Variants in GRIN2A observed in about 807,000 individuals in gnomAD.
GRIN2A encodes glutamate ionotropic receptor NMDA type subunit 2A.
Under a neutral mutation model 113.4 loss-of-function variants are expected in GRIN2A, and 22 were observed. The observed-to-expected ratio is 0.19, with a 90% confidence interval of 0.14 to 0.28. The LOEUF (loss-of-function observed/expected upper bound fraction) is 0.28. Among genes scored for constraint, GRIN2A ranks in the 10% least tolerant of loss-of-function variants. The pLI, the probability that GRIN2A is intolerant of heterozygous loss-of-function variation, is 1.00. For missense variants in GRIN2A, 1,502 were observed against 1,887.0 expected, an observed-to-expected ratio of 0.80 and a Z score of 3.78; for synonymous variants, 827 against 738.4, an observed-to-expected ratio of 1.12 and a Z score of -1.94.
At chr16:9,851,976 G>C (rs1324395889) in intron 4 of GRIN2A, among the ~76,000 whole-genome samples, 2 of 152,092 alleles carry the variant, frequency 1.3e-5, no homozygotes, top group African/African-American at 2.4e-5. Context: ...AATCATTCCT[G>C]CTTTCCCTAG....
intron 2 of GRIN2A, among the ~76,000 whole-genome samples, chr16:10,016,965 T>A (rs1319759961): frequency 6.6e-6 from 1 of 152,242 alleles, no homozygotes; most frequent in Non-Finnish European, 1.5e-5. Flanking sequence ...CCCAGGCCAC[T>A]GCTGCTTAAT....
At chr16:9,826,186 T>C (rs140233762) in intron 9 of GRIN2A, among the ~76,000 whole-genome samples, 1 of 152,242 alleles carries the variant, frequency 6.6e-6, no homozygotes, top group East Asian at 1.9e-4. Flanking sequence ...GATACTGACA[T>C]ACAGAAGGCC....
At chr16:9,901,500 C>A (rs1018080184) in intron 3 of GRIN2A, among the ~76,000 whole-genome samples, 1 of 152,186 alleles carries the variant, frequency 6.6e-6, no homozygotes, top group Admixed American at 6.6e-5. Context: ...TTGTCTGTCA[C>A]CCCAGCTGGA....
At chr16:9,798,590 T>C in intron 10 of GRIN2A, 126 bp from the exon 11 acceptor site, 1 of 669,006 alleles carries the variant, frequency 1.5e-6, no homozygotes, top group Non-Finnish European at 2.6e-6. Context: ...ACTCATGGCC[T>C]CTCCATCCCC....
chr16:10,153,289 T>C (rs1454464741), intron 2 of GRIN2A, among the ~76,000 whole-genome samples: 1 of 152,136 alleles, frequency 6.6e-6, no homozygotes, highest in Non-Finnish European at 1.5e-5. Context: ...GTCTGAAAAA[T>C]GCTGCATAGC....
intron 2 of GRIN2A, among the ~76,000 whole-genome samples, chr16:10,178,015 T>C (rs908801288): frequency 6.6e-6 from 1 of 152,220 alleles, no homozygotes; most frequent in Non-Finnish European, 1.5e-5. Flanking sequence ...TTTCCCAGAT[T>C]TCTCCATTGG....
chr16:9,825,763 C>A (rs1210149019), intron 9 of GRIN2A, among the ~76,000 whole-genome samples: 1 of 152,104 alleles, frequency 6.6e-6, no homozygotes, highest in Non-Finnish European at 1.5e-5. Flanking sequence ...GGCCTGGCTG[C>A]CTGAACTGGG....
chr16:10,057,923 T>C (rs2047482653), intron 2 of GRIN2A, among the ~76,000 whole-genome samples: 2 of 152,166 alleles, frequency 1.3e-5, no homozygotes, highest in Admixed American at 1.3e-4. Flanking sequence ...GGTGAAGCCT[T>C]CAAATTCCTT....
intron 2 of GRIN2A, among the ~76,000 whole-genome samples, chr16:9,951,281 C>A (rs1249759230): frequency 6.6e-6 from 1 of 152,236 alleles, no homozygotes; most frequent in Non-Finnish European, 1.5e-5. Context: ...TCACTCCCCC[C>A]ACTGAAGCTA....
intron 2 of GRIN2A, among the ~76,000 whole-genome samples, chr16:9,952,023 AT>A (rs1231987401): frequency 1.3e-5 from 2 of 152,154 alleles, no homozygotes; most frequent in Non-Finnish European, 2.9e-5. Flanking sequence ...TGGGTATTTC[AT>A]ATTTGCTGCA....
At chr16:10,061,964 A>C (rs2047557826) in intron 2 of GRIN2A, among the ~76,000 whole-genome samples, 1 of 152,212 alleles carries the variant, frequency 6.6e-6, no homozygotes, top group Non-Finnish European at 1.5e-5. Context: ...TTCTCTGCTG[A>C]AATCAGAGAA....
intron 11 of GRIN2A, among the ~76,000 whole-genome samples, chr16:9,777,558 A>T (rs1411343591): frequency 6.6e-6 from 1 of 152,236 alleles, no homozygotes; most frequent in Non-Finnish European, 1.5e-5. Flanking sequence ...GCTAGGCTTA[A>T]ATGTATCCAG....
At chr16:10,147,689 AG>A (rs1384408147) in intron 2 of GRIN2A, among the ~76,000 whole-genome samples, 1 of 151,944 alleles carries the variant, frequency 6.6e-6, no homozygotes, top group Non-Finnish European at 1.5e-5. Context: ...GTCCAACCAT[AG>A]CAAAATCATG....
intron 2 of GRIN2A, among the ~76,000 whole-genome samples, chr16:10,142,229 G>GTC (rs577706686): frequency 3.3e-5 from 5 of 152,094 alleles, no homozygotes; most frequent in South Asian, 2.1e-4. Context: ...TTATATAAGG[G>GTC]TCACACACAC....
chr16:9,862,678 T>C (rs145577056), intron 4 of GRIN2A, among the ~76,000 whole-genome samples: 258 of 152,342 alleles, frequency 1.7e-3, no homozygotes, highest in Middle Eastern at 3.4e-3. Context: ...TAATTCTTTG[T>C]GTGCTCTTAA....
At chr16:10,117,061 GA>G (rs111371826) in intron 2 of GRIN2A, among the ~76,000 whole-genome samples, 55,607 of 139,720 alleles carry the variant, frequency 0.4, 10,475 homozygotes, top group African/African-American at 0.43. Context: ...TCAAGTGACT[GA>G]AAAAAAAAAA....
intron 3 of GRIN2A, among the ~76,000 whole-genome samples, chr16:9,893,763 G>C (rs866612752): frequency 2.0e-5 from 3 of 152,170 alleles, no homozygotes; most frequent in African/African-American, 7.2e-5. Context: ...CACCACACCT[G>C]CCGGAAGGAT....
chr16:9,988,154 G>A (rs1173703355), intron 2 of GRIN2A, among the ~76,000 whole-genome samples: 1 of 152,092 alleles, frequency 6.6e-6, no homozygotes, highest in Non-Finnish European at 1.5e-5. Context: ...AGAAGTAGGA[G>A]CCTGCATCAC....
At position 9,787,613 on chromosome 16, in the gene GRIN2A, A is replaced by C. The variant is rs191818713; in HGVS notation, c.2356+10664T>G. Among the ~76,000 whole-genome samples, 261 of 152,312 alleles carry C rather than the reference A, an allele frequency of 1.7e-3. 1 individual carries two copies. Among genetic ancestry groups the C allele is most frequent in the African/African-American group, 5.7e-3 (236 of 41,566 alleles). ...ATTTGGCTCAGAATAGATTTCTTCG[A>C]ATATTTTACAGAGTTTGGCTCTCTT... On this transcript the variant is annotated intron_variant, in intron 11 of 12. Transcript: ENST00000330684.
Sources: gnomAD v4.1 joint callset for allele counts (sites outside exome capture counted in the v4.1 genomes callset) on GRCh38, gnomAD v4.1.1 for gene constraint, MANE v1.5 for transcripts, NCBI Gene and HGNC (gene_info 2026-07-23, HGNC 2026-07-21) for gene names.